Variants in OPRPN observed in about 807,000 individuals in gnomAD.
OPRPN encodes the protein basic proline-rich lacrimal protein.
In OPRPN, 1 loss-of-function variant was observed where a neutral mutation model predicts 2.2. The ratio of observed to expected loss-of-function variants is 0.45; its 90% CI spans 0.16 to 2.15. The LOEUF is 2.15. OPRPN is among the 30% of genes most tolerant of loss of function. The pLI, the probability that OPRPN is intolerant of heterozygous loss-of-function variation, is 0.28. For missense variants in OPRPN, 306 were observed against 297.3 expected (o/e 1.03, Z -0.21); for synonymous variants, 126 against 111.5 (o/e 1.13, Z -0.82).
At chr4:70,406,829 C>T (rs544781713) in intron 2 of OPRPN, among the ~76,000 whole-genome samples, 5 of 152,234 alleles carry the variant, frequency 3.3e-5, no homozygotes, top group East Asian at 3.9e-4. Context: ...TAGTTTGCTG[C>T]ACCAGTTCTA....
At chr4:70,408,581 T>C (rs1733139855) in intron 2 of OPRPN, among the ~76,000 whole-genome samples, 2 of 152,236 alleles carry the variant, frequency 1.3e-5, no homozygotes, top group South Asian at 4.1e-4. Flanking sequence ...ACTGAGCCCT[T>C]ACTCTACCTT....
chr4:70,409,516 T>C lies in OPRPN; in HGVS notation c.188T>C (p.Leu63Pro). The C allele has an allele frequency of 6.2e-7, 1 of 1,613,552 alleles. No individual in the cohort carries two copies. The highest frequency in any genetic ancestry group is 1.3e-5 in the African/African-American group (1 of 74,982). The change falls in exon 3 of 3, where the codon CTT becomes CCT. Residue 63 changes from leucine to proline, a missense_variant. By Grantham distance (98) the Leu-to-Pro change is moderately conservative (BLOSUM62 -3). Coordinates refer to ENST00000399575, the MANE Select transcript of OPRPN (RefSeq NM_021225.5). Reference sequence around the variant, plus strand: ...TCAAGACTTAATTCACCACTTTCTCTTCCCTTTGTCCCAGGGCGAGTTCCA... The same window carrying C: ...TCAAGACTTAATTCACCACTTTCTCCTCCCTTTGTCCCAGGGCGAGTTCCA... ...YDSRLNSPLSLPFVPGRVPPS... is the reference protein window; with the variant it reads ...YDSRLNSPLSPPFVPGRVPPS...
rs1258102334 is a variant in OPRPN, at chr4:70,410,064, A to G, written c.736A>G (p.Ile246Val). 2 of 1,549,462 alleles carry G rather than the reference A, an allele frequency of 1.3e-6. No individual in the cohort carries two copies. Among genetic ancestry groups the G allele is most frequent in the Non-Finnish European group, 1.7e-6 (2 of 1,150,862 alleles). ...FKSFWQKLFA[I>V]FG ...AAGTTTTTGGCAAAAACTCTTTGCCATTTTTGGTTGAACATGCAATAAATG... is the reference window on the plus strand; with the variant it reads ...AAGTTTTTGGCAAAAACTCTTTGCCGTTTTTGGTTGAACATGCAATAAATG... Residue 246 changes from isoleucine to valine, a missense_variant, in exon 3 of 3, where the codon ATT becomes GTT. Ile to Val is a conservative substitution (Grantham distance 29). Coordinates refer to ENST00000399575, the MANE Select transcript of OPRPN (RefSeq NM_021225.5).
chr4:70,407,560 G>A (rs887539684), intron 2 of OPRPN, among the ~76,000 whole-genome samples: 5 of 152,172 alleles, frequency 3.3e-5, no homozygotes, highest in African/African-American at 1.2e-4. Context: ...CAGATAAAAG[G>A]GAAATTGAGA....
intron 2 of OPRPN, among the ~76,000 whole-genome samples, chr4:70,408,797 C>T (rs960896500): frequency 4.1e-4 from 63 of 152,332 alleles, no homozygotes; most frequent in African/African-American, 1.5e-3. Flanking sequence ...AACCAACATA[C>T]TATACTAGCT....
intron 2 of OPRPN, among the ~76,000 whole-genome samples, chr4:70,402,491 A>G (rs960329182): frequency 1.5e-4 from 23 of 152,274 alleles, no homozygotes; most frequent in South Asian, 4.1e-4. Flanking sequence ...TGGGGAATTC[A>G]TTCAACCCAA....
chr4:70,399,454 T>C, intron 2 of OPRPN, 118 bp downstream of exon 2: 1 of 830,206 alleles, frequency 1.2e-6, no homozygotes, highest in Non-Finnish European at 1.9e-6. Context: ...AGGCTGTTGA[T>C]AATTATGGAC....
chr4:70,401,622 G>A (rs1256311007), intron 2 of OPRPN, among the ~76,000 whole-genome samples: 1 of 152,032 alleles, frequency 6.6e-6, no homozygotes, highest in Non-Finnish European at 1.5e-5. Context: ...AAGTATTAGG[G>A]GAATGACACA....
At position 70,410,009 on chromosome 4, in the gene OPRPN, C is replaced by A. The variant is rs1733191131; in HGVS notation, c.681C>A (p.Asn227Lys). The change falls in exon 3 of 3, where the codon AAC (asparagine) becomes AAA (lysine). Residue 227 changes from asparagine to lysine, a missense_variant. Asn to Lys is a moderately conservative substitution (Grantham distance 94). Transcript: ENST00000399575. ...LNATVQVTTS[N>K]QTILSSPAFK... ...CCACTGTCCAAGTTACGACTTCCAACCAAACTATATTAAGCAGCCCAGCCT... is the reference window on the plus strand; with the variant it reads ...CCACTGTCCAAGTTACGACTTCCAAACAAACTATATTAAGCAGCCCAGCCT... The A allele has an allele frequency of 6.2e-7, 1 of 1,611,116 alleles. No homozygotes were observed. Among genetic ancestry groups the A allele is most frequent in the Non-Finnish European group, 8.5e-7 (1 of 1,178,996 alleles).
intron 2 of OPRPN, among the ~76,000 whole-genome samples, chr4:70,400,549 G>A (rs1732955489): frequency 6.6e-6 from 1 of 151,688 alleles, no homozygotes; most frequent in Non-Finnish European, 1.5e-5. Context: ...CCAGACCTGA[G>A]AAAAAAAGAA....
At chr4:70,407,380 T>A (rs969273171) in intron 2 of OPRPN, among the ~76,000 whole-genome samples, 2 of 152,242 alleles carry the variant, frequency 1.3e-5, no homozygotes, top group Non-Finnish European at 2.9e-5. Flanking sequence ...AGGTGATGAC[T>A]AAGACAGGAC....
At chr4:70,402,968 A>G (rs186824906) in intron 2 of OPRPN, among the ~76,000 whole-genome samples, 52 of 152,230 alleles carry the variant, frequency 3.4e-4, no homozygotes, top group African/African-American at 1.2e-3. Flanking sequence ...TTTTACTCTG[A>G]GTGACATGCA....
In OPRPN at chr4:70,409,924, C is replaced by T. The variant is rs780595742; in HGVS notation, c.596C>T (p.Ala199Val). ...ATSISAATPA[A>V]STENTTQILA... ...TCCATATCAGCAGCAACCCCCGCAG[C>T]ATCTACTGAAAATACTACTCAAATT... Residue 199 changes from alanine (A) to valine (V), a missense_variant, in exon 3 of 3, where the codon GCA becomes GTA. By Grantham distance (64) the Ala-to-Val change is moderately conservative. Coordinates refer to ENST00000399575, the MANE Select transcript of OPRPN (RefSeq NM_021225.5). 2.0e-5 allele frequency: 33 copies of T among 1,613,932 alleles called. No homozygotes were observed. In the South Asian group the frequency reaches 3.4e-4, roughly 17 times the overall value.
intron 2 of OPRPN, among the ~76,000 whole-genome samples, chr4:70,405,621 T>C (rs1733070796): frequency 6.6e-6 from 1 of 152,248 alleles, no homozygotes; most frequent in Non-Finnish European, 1.5e-5. Context: ...TCAATCTGCA[T>C]CTACAAACTT....
Position 70,397,989 on chromosome 4 carries a change from G to T in OPRPN, c.-67G>T, listed in dbSNP as rs1342009299. 4 of 151,840 alleles carry T rather than the reference G, an allele frequency of 2.6e-5. No homozygotes were observed. Among genetic ancestry groups the T allele is most frequent in the South Asian group, 4.1e-4 (2 of 4,828 alleles). 9.4% of individuals were successfully genotyped at this position (151,840 alleles called of 1,614,324 possible). A position where few individuals can be genotyped will look rare whatever the true frequency, so the allele number is the denominator to read the frequency against. On this transcript the variant is annotated 5_prime_UTR_variant, in exon 1 of 3. Transcript: ENST00000399575. Reference sequence around the variant, plus strand: ...TGTGGCTACCTAAATTGAGTATCTGGCAAGAGTAAGATTAAGCAGTAATTT... The same window carrying T: ...TGTGGCTACCTAAATTGAGTATCTGTCAAGAGTAAGATTAAGCAGTAATTT...
chr4:70,403,554 A>G (rs952888629), intron 2 of OPRPN, among the ~76,000 whole-genome samples: 1 of 152,194 alleles, frequency 6.6e-6, no homozygotes, highest in African/African-American at 2.4e-5. Flanking sequence ...TTTATGTTTC[A>G]TTGAAACATG....
chr4:70,398,214 C>A (rs931342498), intron 1 of OPRPN, among the ~76,000 whole-genome samples, 174 bp downstream of exon 1: 3 of 151,542 alleles, frequency 2.0e-5, no homozygotes, highest in African/African-American at 7.3e-5. Context: ...GCTTAAAATT[C>A]CTGAAAAAAT....
chr4:70,403,955 T>G (rs1201597910), intron 2 of OPRPN, among the ~76,000 whole-genome samples: 1 of 152,180 alleles, frequency 6.6e-6, no homozygotes, highest in East Asian at 1.9e-4. Flanking sequence ...CTATTGATTG[T>G]TCCTACTAGC....
At chr4:70,408,368 C>T (rs1733136436) in intron 2 of OPRPN, among the ~76,000 whole-genome samples, 1 of 152,136 alleles carries the variant, frequency 6.6e-6, no homozygotes, top group Non-Finnish European at 1.5e-5. Flanking sequence ...TTGGCTTCTT[C>T]CTCCTCATTT....
Sources: allele counts gnomAD v4.1 joint callset (sites outside exome capture counted in the v4.1 genomes callset), GRCh38; gene constraint gnomAD v4.1.1; transcripts MANE v1.5; gene names NCBI Gene and HGNC (gene_info 2026-07-23, HGNC 2026-07-21).